Variants in CDH23 observed in about 807,000 individuals in gnomAD.
CDH23 encodes the protein cadherin related 23.
A neutral mutation model predicts 317.1 loss-of-function variants in CDH23; 189 were observed. That is an observed-to-expected ratio of 0.60 (90% CI 0.53 to 0.67). The LOEUF (loss-of-function observed/expected upper bound fraction) is 0.67. Among genes scored for constraint, CDH23 ranks in the 30% least tolerant of loss-of-function variants. The probability of loss-of-function intolerance (pLI) is 0.00; values close to 1 mark genes in which losing one functional copy is unlikely to be tolerated. For synonymous variants in CDH23, 1,839 were observed against 1,876.8 expected (o/e 0.98, Z 0.52); for missense variants, 4,401 against 4,592.4 (o/e 0.96, Z 1.20).
chr10:71,474,261 T>C (rs1048289736), intron 3 of CDH23, among the ~76,000 whole-genome samples: 1 of 151,978 alleles, frequency 6.6e-6, no homozygotes, highest in Non-Finnish European at 1.5e-5. Flanking sequence ...AAGGAAGGGG[T>C]CAGAGTATGT....
chr10:71,643,092 G>A (rs1050461733), intron 11 of CDH23, among the ~76,000 whole-genome samples: 5 of 152,238 alleles, frequency 3.3e-5, no homozygotes, highest in Admixed American at 2.0e-4. Flanking sequence ...GTCCTCGTTC[G>A]CATCATCATC....
At chr10:71,709,802 C>G (rs1432530566) in intron 27 of CDH23, among the ~76,000 whole-genome samples, 1 of 151,980 alleles carries the variant, frequency 6.6e-6, no homozygotes, top group Non-Finnish European at 1.5e-5. Flanking sequence ...AAAGACATAT[C>G]CGAGACTGGG....
intron 9 of CDH23, 60 bp from the exon 10 acceptor site, chr10:71,615,444 C>A (rs957081666): frequency 3.2e-6 from 4 of 1,232,970 alleles, no homozygotes; most frequent in African/African-American, 1.5e-5. Flanking sequence ...CCCCCTGCCC[C>A]CAGCTCCATG....
intron 49 of CDH23, among the ~76,000 whole-genome samples, chr10:71,797,797 G>T (rs1841442729): frequency 6.6e-6 from 1 of 152,116 alleles, no homozygotes. Context: ...TGCCAGAGGG[G>T]TGGATTTTGT....
intron 3 of CDH23, among the ~76,000 whole-genome samples, chr10:71,469,729 C>T (rs1333414837): frequency 1.3e-5 from 2 of 152,204 alleles, no homozygotes; most frequent in African/African-American, 4.8e-5. Flanking sequence ...CCTCAGCCTC[C>T]CAAGTAACTT....
chr10:71,715,917 C>T, intron 28 of CDH23: 1 of 1,446,868 alleles, frequency 6.9e-7, no homozygotes, highest in Non-Finnish European at 9.1e-7. Context: ...GATGTGGGGG[C>T]ATGTTTGTGG....
At chr10:71,417,783 T>C (rs2394794) in intron 1 of CDH23, among the ~76,000 whole-genome samples, 46,197 of 152,094 alleles carry the variant, frequency 0.3, 7,196 homozygotes, top group Middle Eastern at 0.46. Flanking sequence ...CTAATTTTTG[T>C]ATGTTTTGTA....
chr10:71,409,034 A>G (rs1420578735), intron 1 of CDH23, among the ~76,000 whole-genome samples: 1 of 152,160 alleles, frequency 6.6e-6, no homozygotes, highest in Non-Finnish European at 1.5e-5. Flanking sequence ...GCCTGATCAC[A>G]AGGTTTGTTT....
At chr10:71,789,440 T>G (rs1841185826) in intron 45 of CDH23, among the ~76,000 whole-genome samples, 1 of 152,012 alleles carries the variant, frequency 6.6e-6, no homozygotes, top group African/African-American at 2.4e-5. Flanking sequence ...TAACTAGAAG[T>G]GGGAGGTCAG....
At chr10:71,659,319 G>A (rs1863546785) in intron 14 of CDH23, among the ~76,000 whole-genome samples, 1 of 152,312 alleles carries the variant, frequency 6.6e-6, no homozygotes, top group South Asian at 2.1e-4. Flanking sequence ...AGGTGACAGG[G>A]GAGAGAGGGG....
intron 3 of CDH23, among the ~76,000 whole-genome samples, chr10:71,483,494 C>G (rs537868315): frequency 6.6e-6 from 1 of 152,338 alleles, no homozygotes; most frequent in African/African-American, 2.4e-5. Flanking sequence ...TCTCTCTGCC[C>G]TGTTCCCAGC....
chr10:71,426,209 T>C (rs533868797), intron 1 of CDH23, among the ~76,000 whole-genome samples: 1 of 152,100 alleles, frequency 6.6e-6, no homozygotes, highest in South Asian at 2.1e-4. Flanking sequence ...TGGTTTTGAC[T>C]TGGGAGCAGT....
Position 71,807,502 on chromosome 10 carries a change from G to C in CDH23, c.8309-14G>C, listed in dbSNP as rs772109522. 3 of 1,613,426 alleles carry C rather than the reference G, an allele frequency of 1.9e-6. No homozygotes were observed. In the South Asian group the frequency reaches 3.3e-5, roughly 18 times the overall value. ...GCCCTGCCCCCTCACCCTGTGCCATGATCCCACCCTCAGCCGGCAACGAAG... is the reference window on the plus strand; with the variant it reads ...GCCCTGCCCCCTCACCCTGTGCCATCATCCCACCCTCAGCCGGCAACGAAG... On this transcript the variant is annotated splice_polypyrimidine_tract_variant and intron_variant, in intron 58 of 69. Coordinates refer to ENST00000224721, the MANE Select transcript of CDH23 (RefSeq NM_022124.6).
rs1355115026 is a variant in CDH23 at position 71,544,172 on chromosome 10, GT to G, written c.430-22565del. ...CTGAGGTTAGAAGCTAATTTTCCTG[GT>G]TTTTACCGAACTCTGGTCTGCTTGG... On this transcript the variant is annotated intron_variant, in intron 6 of 69. Transcript: ENST00000224721. 3.3e-5 allele frequency among the ~76,000 whole-genome samples: 5 copies of G among 152,160 alleles called. No individual in the cohort carries two copies. The South Asian group carries it at 1.0e-3, about 32-fold the overall frequency.
intron 28 of CDH23, among the ~76,000 whole-genome samples, chr10:71,718,098 G>C (rs1258709967): frequency 6.6e-6 from 1 of 152,154 alleles, no homozygotes; most frequent in Non-Finnish European, 1.5e-5. Context: ...CATGAGGGTG[G>C]GGGATAGCAG....
chr10:71,434,493 C>G (rs1462283450), intron 1 of CDH23, among the ~76,000 whole-genome samples: 1 of 152,206 alleles, frequency 6.6e-6, no homozygotes, highest in Non-Finnish European at 1.5e-5. Context: ...AGCTCACTGG[C>G]TCTCTGTGGT....
chr10:71,484,283 A>G (rs2132122938), intron 3 of CDH23, among the ~76,000 whole-genome samples: 1 of 152,354 alleles, frequency 6.6e-6, no homozygotes, highest in Non-Finnish European at 1.5e-5. Context: ...AGGGACGCAG[A>G]TAAGCAGACA....
chr10:71,578,073 A>G, intron 9 of CDH23, 81 bp downstream of exon 9: 1 of 1,370,718 alleles, frequency 7.3e-7, no homozygotes, highest in Non-Finnish European at 1.0e-6. Flanking sequence ...TCAGGCTCTG[A>G]GGGCTAAGGA....
chr10:71,796,021 G>C, intron 48 of CDH23: 1 of 986,686 alleles, frequency 1.0e-6, no homozygotes, highest in Non-Finnish European at 1.2e-6. Flanking sequence ...TCCCCAGCCT[G>C]GGGGACAGGG....
Sources: allele counts gnomAD v4.1 joint callset (sites outside exome capture counted in the v4.1 genomes callset), GRCh38; gene constraint gnomAD v4.1.1; transcripts MANE v1.5; gene names NCBI Gene and HGNC (gene_info 2026-07-23, HGNC 2026-07-21).